C8orf34: variants seen among roughly 807,000 people sequenced by gnomAD.
C8orf34 encodes the protein chromosome 8 open reading frame 34.
C8orf34 carries 65 observed loss-of-function variants against 68.3 expected under a neutral mutation model. The observed-to-expected ratio is 0.95, with a 90% CI of 0.78 to 1.17. The LOEUF (loss-of-function observed/expected upper bound fraction) is 1.17, where lower values mean the gene tolerates loss of function less well. C8orf34 is among the 50% of genes most tolerant of loss of function. The probability of loss-of-function intolerance (pLI) is 0.00; values close to 1 mark genes in which losing one functional copy is unlikely to be tolerated. For missense variants in C8orf34, 664 were observed against 655.4 expected, an observed-to-expected ratio of 1.01 and a Z score of -0.14; for synonymous variants, 244 against 241.2, an observed-to-expected ratio of 1.01 and a Z score of -0.11.
At chr8:68,669,341 C>T (rs754395061) in intron 8 of C8orf34, among the ~76,000 whole-genome samples, 3 of 152,006 alleles carry the variant, frequency 2.0e-5, no homozygotes, top group African/African-American at 4.8e-5. Context: ...CAAAGCTGCT[C>T]TAAAAATATT....
At position 68,331,335 on chromosome 8, in the gene C8orf34, T is replaced by C; in HGVS notation, c.323T>C (p.Phe108Ser). The part of the protein sequence containing the change: ...YLEKNKIGPL[F>S]EELMTKLITE... ...GAGAAGAACAAGATCGGTCCCCTGT[T>C]TGAGGTAAGGCGCTGTGGAGGAGGG... The change falls in exon 1 of 14, where the codon TTT (phenylalanine) becomes TCT (serine). Residue 108 changes from phenylalanine (F) to serine (S), a missense_variant. Coordinates refer to ENST00000518698, the MANE Select transcript of C8orf34 (RefSeq NM_052958.4). 1 of 1,536,304 alleles carries C rather than the reference T, an allele frequency of 6.5e-7. No individual in the cohort carries two copies. The highest frequency in any genetic ancestry group is 8.7e-7 in the Non-Finnish European group (1 of 1,146,914).
chr8:68,462,887 A>G (rs1323667828), intron 3 of C8orf34, among the ~76,000 whole-genome samples: 1 of 152,080 alleles, frequency 6.6e-6, no homozygotes, highest in Non-Finnish European at 1.5e-5. Context: ...AAGAACTAGA[A>G]AAGCAAGAGC....
rs201254100 is a variant in C8orf34, at chr8:68,510,378, CTAT to C, written c.766-11419_766-11417del. ...AGGAAACCTCTGAGGGATAGGCATC[CTAT>C]TTATCCCATCACCTGGCAGGATTTG... On this transcript the variant is annotated intron_variant, in intron 5 of 13. Coordinates refer to ENST00000518698, the MANE Select transcript of C8orf34 (RefSeq NM_052958.4). Among the ~76,000 whole-genome samples the C allele has an allele frequency of 5.9e-3, 892 of 152,262 alleles. 10 individuals carry two copies. The highest frequency in any genetic ancestry group is 0.021 in the African/African-American group (856 of 41,562).
chr8:68,575,832 C>T (rs1008903158), intron 7 of C8orf34, among the ~76,000 whole-genome samples: 2 of 151,804 alleles, frequency 1.3e-5, no homozygotes, highest in African/African-American at 4.8e-5. Flanking sequence ...ATCATTGGCT[C>T]CTAGTGACAA....
intron 3 of C8orf34, 41 bp downstream of exon 3, chr8:68,446,501 A>G (rs1353853413): frequency 1.3e-6 from 2 of 1,574,744 alleles, no homozygotes; most frequent in Non-Finnish European, 8.6e-7. Flanking sequence ...AAAGCATGTA[A>G]GTTTATGTTG....
chr8:68,518,937 G>T (rs1814635483), intron 5 of C8orf34, among the ~76,000 whole-genome samples: 1 of 150,958 alleles, frequency 6.6e-6, no homozygotes, highest in Non-Finnish European at 1.5e-5. Context: ...TAGATACAGG[G>T]GAATATGTTA....
chr8:68,757,304 C>G (rs545460828), intron 10 of C8orf34, among the ~76,000 whole-genome samples: 1 of 152,080 alleles, frequency 6.6e-6, no homozygotes, highest in Admixed American at 6.6e-5. Flanking sequence ...CGGATGTTAA[C>G]CAGCTCACTT....
chr8:68,652,930 A>G (rs1819405397), intron 8 of C8orf34, among the ~76,000 whole-genome samples: 1 of 152,194 alleles, frequency 6.6e-6, no homozygotes, highest in Non-Finnish European at 1.5e-5. Flanking sequence ...ACTTTATTAG[A>G]TAAATATGTA....
intron 1 of C8orf34, among the ~76,000 whole-genome samples, chr8:68,353,389 G>C (rs990358570): frequency 1.3e-5 from 2 of 151,648 alleles, no homozygotes; most frequent in African/African-American, 4.8e-5. Flanking sequence ...TAACTATTTT[G>C]GTAATATTTT....
chr8:68,728,284 C>T (rs570609246), intron 10 of C8orf34, among the ~76,000 whole-genome samples: 215 of 152,250 alleles, frequency 1.4e-3, no homozygotes, highest in African/African-American at 4.2e-3. Context: ...CATCTGAGAC[C>T]ATCTCACACT....
chr8:68,675,463 CTTGT>C lies in C8orf34; in HGVS notation c.1242-33525_1242-33522del, dbSNP rs1444437343. 3.3e-5 allele frequency among the ~76,000 whole-genome samples: 5 copies of C among 151,854 alleles called. No individual in the cohort carries two copies. In the South Asian group the frequency reaches 1.0e-3, roughly 31 times the overall value. On this transcript the variant is annotated intron_variant, in intron 8 of 13. Transcript: ENST00000518698. ...AGAGCTTTTATTAGTTTTTGCTTTGCTTGTTTGTTAGGTTGTTTCTTTTCTTCTG... is the reference window on the plus strand; with the variant it reads ...AGAGCTTTTATTAGTTTTTGCTTTGCTTGTTAGGTTGTTTCTTTTCTTCTG...
At chr8:68,552,105 A>G (rs1240161115) in intron 7 of C8orf34, among the ~76,000 whole-genome samples, 1 of 152,136 alleles carries the variant, frequency 6.6e-6, no homozygotes, top group East Asian at 1.9e-4. Flanking sequence ...TCTTTATGAC[A>G]ATACCACACT....
chr8:68,768,617 A>G (rs1422857367), intron 10 of C8orf34, among the ~76,000 whole-genome samples: 2 of 152,198 alleles, frequency 1.3e-5, no homozygotes, highest in South Asian at 2.1e-4. Flanking sequence ...ATTCCATATT[A>G]CATGCATGGT....
At chr8:68,578,550 T>C (rs1816971499) in intron 7 of C8orf34, among the ~76,000 whole-genome samples, 1 of 151,954 alleles carries the variant, frequency 6.6e-6, no homozygotes, top group Non-Finnish European at 1.5e-5. Flanking sequence ...GATTCATTAA[T>C]ATGCTTATAA....
chr8:68,379,103 A>G (rs1367613573), intron 1 of C8orf34, among the ~76,000 whole-genome samples: 2 of 152,260 alleles, frequency 1.3e-5, no homozygotes, highest in Non-Finnish European at 2.9e-5. Flanking sequence ...GAACATTTAC[A>G]TGCACATTAC....
chr8:68,740,411 A>C (rs948192935), intron 10 of C8orf34, among the ~76,000 whole-genome samples: 1 of 152,026 alleles, frequency 6.6e-6, no homozygotes, highest in African/African-American at 2.4e-5. Flanking sequence ...CAAGAAAAAA[A>C]ACCATTATAA....
chr8:68,691,804 C>T (rs894030631), intron 8 of C8orf34, among the ~76,000 whole-genome samples: 1 of 151,914 alleles, frequency 6.6e-6, no homozygotes, highest in Non-Finnish European at 1.5e-5. Context: ...AAATGTGTGC[C>T]TTTTTCTTAT....
At chr8:68,548,993 G>T (rs1052622467) in intron 7 of C8orf34, among the ~76,000 whole-genome samples, 2 of 151,702 alleles carry the variant, frequency 1.3e-5, no homozygotes, top group African/African-American at 4.8e-5. Context: ...GTTAAATAAG[G>T]TTATAAGAGT....
chr8:68,421,292 A>G (rs557843878), intron 1 of C8orf34, among the ~76,000 whole-genome samples: 2 of 152,354 alleles, frequency 1.3e-5, no homozygotes, highest in Admixed American at 1.3e-4. Flanking sequence ...TAGAAAGAAT[A>G]ACTATGTGAT....
Sources: allele counts gnomAD v4.1 joint callset (sites outside exome capture counted in the v4.1 genomes callset), GRCh38; gene constraint gnomAD v4.1.1; transcripts MANE v1.5; gene names NCBI Gene and HGNC (gene_info 2026-07-23, HGNC 2026-07-21).